PIK3CB: variants seen among roughly 807,000 people sequenced by gnomAD.
PIK3CB encodes the protein phosphatidylinositol-4,5-bisphosphate 3-kinase catalytic subunit beta, also known as phosphatidylinositol 4,5-bisphosphate 3-kinase catalytic subunit beta isoform.
Under a neutral mutation model 136.8 loss-of-function variants are expected in PIK3CB, and 39 were observed. The ratio of observed to expected loss-of-function variants is 0.29; its 90% CI spans 0.22 to 0.37. The LOEUF (loss-of-function observed/expected upper bound fraction) is 0.37, where lower values mean the gene tolerates loss of function less well. PIK3CB is among the 10% of genes least tolerant of loss of function. The pLI, the probability that PIK3CB is intolerant of heterozygous loss-of-function variation, is 1.00. For synonymous variants in PIK3CB, 428 were observed against 436.6 expected (o/e 0.98, Z 0.25); for missense variants, 868 against 1,275.4 (o/e 0.68, Z 4.87).
chr3:138,821,199 C>T (rs527371467), intron 1 of PIK3CB, among the ~76,000 whole-genome samples: 1 of 151,896 alleles, frequency 6.6e-6, no homozygotes, highest in Admixed American at 6.6e-5. Context: ...GCAGGAGATC[C>T]CTTGAACCCG....
At position 138,653,812 on chromosome 3, in the gene PIK3CB, C is replaced by T. The variant is rs553188826; in HGVS notation, c.*1577G>A. On this transcript the variant is annotated 3_prime_UTR_variant, in exon 24 of 24. Coordinates refer to ENST00000674063, the MANE Select transcript of PIK3CB (RefSeq NM_006219.3). Reference sequence around the variant, plus strand: ...TTCAGGACACCTCCCATATGCATGGCTCCTTACCTCAGGCTCCCACCAAAG... The same window carrying T: ...TTCAGGACACCTCCCATATGCATGGTTCCTTACCTCAGGCTCCCACCAAAG... The T allele has an allele frequency of 5.1e-6, 1 of 197,928 alleles. No individual in the cohort carries two copies. Among genetic ancestry groups the T allele is most frequent in the South Asian group, 1.9e-4 (1 of 5,226 alleles). The allele number at this position is 197,928 out of a possible 1,614,324, so 12.3% of individuals were successfully genotyped here. A position where few individuals can be genotyped will look rare whatever the true frequency, so the allele number is the denominator to read the frequency against.
chr3:138,706,168 G>A (rs138441868), intron 11 of PIK3CB, among the ~76,000 whole-genome samples: 2 of 152,188 alleles, frequency 1.3e-5, no homozygotes, highest in African/African-American at 2.4e-5. Context: ...GTTGCTTGAG[G>A]CAAGTAATTT....
chr3:138,751,435 G>C (rs1317387850), intron 4 of PIK3CB, among the ~76,000 whole-genome samples: 1 of 151,648 alleles, frequency 6.6e-6, no homozygotes, highest in African/African-American at 2.4e-5. Context: ...TCCAGCCTGG[G>C]CGATAGAGCG....
intron 1 of PIK3CB, among the ~76,000 whole-genome samples, chr3:138,829,847 C>A (rs890620942): frequency 8.6e-5 from 13 of 151,976 alleles, no homozygotes; most frequent in African/African-American, 2.9e-4. Context: ...GAGATCCATG[C>A]GAACCCATTA....
Position 138,831,276 on chromosome 3 carries a change from A to AAATTAAATTAAATTAAATT in PIK3CB, c.-122+3418_-122+3419insAATTTAATTTAATTTAATT, listed in dbSNP as rs1559896103. Among the ~76,000 whole-genome samples, 387 of 135,734 alleles carry AAATTAAATTAAATTAAATT rather than the reference A, an allele frequency of 2.9e-3. 4 individuals are homozygous for AAATTAAATTAAATTAAATT. The highest frequency in any genetic ancestry group is 0.014 in the African/African-American group (378 of 27,722). The allele number at this position is 135,734 out of a possible 152,430, so 89.0% of individuals were successfully genotyped here. ...CCGTCTCAAATAAATAAAATAAAAT[A>AAATTAAATTAAATTAAATT]AAATAAAATTAAATTAAATTAAAAT... is the stretch of plus-strand genomic sequence containing the variant. On this transcript the variant is annotated intron_variant, in intron 1 of 23. Coordinates refer to ENST00000674063, the MANE Select transcript of PIK3CB (RefSeq NM_006219.3).
At chr3:138,758,652 T>C (rs944906332) in intron 3 of PIK3CB, among the ~76,000 whole-genome samples, 4 of 152,202 alleles carry the variant, frequency 2.6e-5, no homozygotes, top group Non-Finnish European at 5.9e-5. Flanking sequence ...TATGTTTTCT[T>C]AAAAATACCG....
Position 138,743,935 on chromosome 3 carries a change from T to G in PIK3CB, c.398-1154A>C, listed in dbSNP as rs185933016. On this transcript the variant is annotated intron_variant, in intron 4 of 23. Coordinates refer to ENST00000674063, the MANE Select transcript of PIK3CB (RefSeq NM_006219.3). ...ATGACCAGAAGCCTTACCAACAACA[T>G]AGTCAGTTAACACTTATTTTGTATG... 3.2e-3 allele frequency among the ~76,000 whole-genome samples: 488 copies of G among 152,178 alleles called. 6 individuals are homozygous for G. Among genetic ancestry groups the G allele is most frequent in the African/African-American group, 1.0e-2 (414 of 41,508 alleles).
chr3:138,666,573 C>T (rs9878820), intron 19 of PIK3CB, among the ~76,000 whole-genome samples: 54,566 of 152,012 alleles, frequency 0.36, 12,252 homozygotes, highest in Admixed American at 0.54. Context: ...TATATGAGCT[C>T]TTTGTATATT....
At chr3:138,690,303 A>G (rs899657108) in intron 15 of PIK3CB, among the ~76,000 whole-genome samples, 3 of 151,876 alleles carry the variant, frequency 2.0e-5, no homozygotes, top group Non-Finnish European at 4.4e-5. Flanking sequence ...GAAAAAAGGT[A>G]GTTTTTTTTT....
intron 6 of PIK3CB, among the ~76,000 whole-genome samples, chr3:138,735,881 T>C (rs562543588): frequency 3.2e-4 from 49 of 152,222 alleles, no homozygotes; most frequent in Non-Finnish European, 6.0e-4. Flanking sequence ...TATGATATTA[T>C]GATAAATATA....
At chr3:138,705,374 A>G (rs529676363) in intron 11 of PIK3CB, among the ~76,000 whole-genome samples, 110 of 152,006 alleles carry the variant, frequency 7.2e-4, no homozygotes, top group African/African-American at 2.6e-3. Flanking sequence ...ATAAATTTCT[A>G]TCAAAGGAAT....
chr3:138,713,932 G>T (rs551596623), intron 9 of PIK3CB, among the ~76,000 whole-genome samples: 2 of 152,032 alleles, frequency 1.3e-5, no homozygotes, highest in African/African-American at 2.4e-5. Context: ...GCAAAAAGTG[G>T]CCAGAGATAA....
Position 138,657,682 on chromosome 3 carries a change from G to A in PIK3CB, c.2942+8C>T, listed in dbSNP as rs768345008. On this transcript the variant is annotated splice_region_variant and intron_variant, in intron 22 of 23. Transcript: ENST00000674063. Reference sequence around the variant, plus strand: ...AGTGTTCAGCCTTGGCACAAGGGCAGTACTCACCGGCCAAACTTTTCTGTA... The same window carrying A: ...AGTGTTCAGCCTTGGCACAAGGGCAATACTCACCGGCCAAACTTTTCTGTA... The A allele has an allele frequency of 6.2e-7, 1 of 1,612,632 alleles. No homozygotes were observed. The highest frequency in any genetic ancestry group is 1.1e-5 in the South Asian group (1 of 90,988).
rs552927050 is a variant in PIK3CB at position 138,714,374 on chromosome 3, T to TA, written c.1302+93dup. 801 of 769,998 alleles carry TA rather than the reference T, an allele frequency of 1.0e-3. 5 individuals are homozygous for TA. In the African/African-American group the frequency reaches 0.013, roughly 13 times the overall value. 47.7% of individuals were successfully genotyped at this position (769,998 alleles called of 1,614,324 possible). A position where few individuals can be genotyped will look rare whatever the true frequency, so the allele number is the denominator to read the frequency against. ...TCAGTTTTTAAGGATCAAAGTTACCTAATATAATTTAACTTATATTACTCA... is the reference window on the plus strand; with the variant it reads ...TCAGTTTTTAAGGATCAAAGTTACCTAAATATAATTTAACTTATATTACTCA... On this transcript the variant is annotated intron_variant, in intron 9 of 23. Coordinates refer to ENST00000674063, the MANE Select transcript of PIK3CB (RefSeq NM_006219.3).
chr3:138,821,154 G>C (rs1221804082), intron 1 of PIK3CB, among the ~76,000 whole-genome samples: 1 of 151,742 alleles, frequency 6.6e-6, no homozygotes, highest in Non-Finnish European at 1.5e-5. Flanking sequence ...GCGTGGTGGT[G>C]CGTGCCTGTA....
At chr3:138,809,229 G>T (rs1389550807) in intron 1 of PIK3CB, among the ~76,000 whole-genome samples, 91 of 151,940 alleles carry the variant, frequency 6.0e-4, no homozygotes, top group Non-Finnish European at 1.5e-5. Flanking sequence ...AGTGAACCGA[G>T]ACTGCGCCAC....
At chr3:138,753,121 G>A (rs933256400) in intron 4 of PIK3CB, among the ~76,000 whole-genome samples, 2 of 152,354 alleles carry the variant, frequency 1.3e-5, no homozygotes, top group African/African-American at 4.8e-5. Flanking sequence ...GGAAGCTGAG[G>A]TGGGAGGATC....
chr3:138,679,152 C>T lies in PIK3CB; in HGVS notation c.2504+2815G>A, dbSNP rs1577063376. Among the ~76,000 whole-genome samples, 3 of 152,128 alleles carry T rather than the reference C, an allele frequency of 2.0e-5. No homozygotes were observed. The East Asian group carries it at 5.8e-4, about 29-fold the overall frequency. On this transcript the variant is annotated intron_variant, in intron 19 of 23. Coordinates refer to ENST00000674063, the MANE Select transcript of PIK3CB (RefSeq NM_006219.3). ...TGATAAGATTTCAGGCAGGCAATGA[C>T]AAATGTCAATTATAATAGGAGCTTG...
chr3:138,700,002 G>C (rs932216063), intron 12 of PIK3CB, among the ~76,000 whole-genome samples: 1 of 152,006 alleles, frequency 6.6e-6, no homozygotes, highest in African/African-American at 2.4e-5. Context: ...CGGAGTTCAA[G>C]AACAGCCTGG....
Sources: allele counts gnomAD v4.1 joint callset (sites outside exome capture counted in the v4.1 genomes callset), GRCh38; gene constraint gnomAD v4.1.1; transcripts MANE v1.5; gene names NCBI Gene and HGNC (gene_info 2026-07-23, HGNC 2026-07-21).